Variants in WDFY4 observed in about 807,000 individuals in gnomAD.
WDFY4 encodes the protein WD repeat- and FYVE domain-containing protein 4.
Under a neutral mutation model 351.9 loss-of-function variants are expected in WDFY4, and 169 were observed. The ratio of observed to expected loss-of-function variants is 0.48; its 90% CI spans 0.42 to 0.55. The LOEUF is 0.55. Among genes scored for constraint, WDFY4 ranks in the 20% least tolerant of loss-of-function variants. The probability of loss-of-function intolerance (pLI) is 0.00; values close to 1 mark genes in which losing one functional copy is unlikely to be tolerated. For missense variants in WDFY4, 3,803 were observed against 3,935.6 expected (o/e 0.97, Z 0.90); for synonymous variants, 1,622 against 1,574.6 (o/e 1.03, Z -0.71).
chr10:48,966,252 A>G (rs914183463), intron 54 of WDFY4, among the ~76,000 whole-genome samples: 5 of 152,174 alleles, frequency 3.3e-5, no homozygotes, highest in Admixed American at 1.3e-4. Context: ...CAATGAGGCC[A>G]GTCTTCTCCC....
intron 7 of WDFY4, among the ~76,000 whole-genome samples, chr10:48,727,905 G>A (rs537633112): frequency 3.9e-5 from 6 of 152,204 alleles, no homozygotes; most frequent in Non-Finnish European, 7.4e-5. Context: ...GATTTTCCCC[G>A]GTCAGAACCC....
rs780393508 is a variant in WDFY4, at chr10:48,978,289, C to A, written c.9292-20C>A. On this transcript the variant is annotated intron_variant, in intron 59 of 61. Transcript: ENST00000325239. ...ACAGGATCGTCTTCCCCGCCGATGACATTTGCTCTTTTGGGGCAGGTTTGG... is the reference window on the plus strand; with the variant it reads ...ACAGGATCGTCTTCCCCGCCGATGAAATTTGCTCTTTTGGGGCAGGTTTGG... The A allele has an allele frequency of 6.5e-7, 1 of 1,549,916 alleles. No homozygotes were observed. The highest frequency in any genetic ancestry group is 1.4e-5 in the African/African-American group (1 of 73,130).
At chr10:48,728,369 C>T (rs1047538848) in intron 7 of WDFY4, among the ~76,000 whole-genome samples, 1 of 152,200 alleles carries the variant, frequency 6.6e-6, no homozygotes, top group African/African-American at 2.4e-5. Context: ...CCAGGGATTA[C>T]AGACAGCAAG....
intron 2 of WDFY4, among the ~76,000 whole-genome samples, chr10:48,719,351 C>T (rs1447214658): frequency 6.6e-6 from 1 of 152,106 alleles, no homozygotes; most frequent in Non-Finnish European, 1.5e-5. Context: ...GATATTTTTT[C>T]GCTTCTGAAG....
intron 39 of WDFY4, among the ~76,000 whole-genome samples, chr10:48,853,378 T>C (rs1385283009): frequency 6.6e-6 from 1 of 152,250 alleles, no homozygotes; most frequent in Non-Finnish European, 1.5e-5. Flanking sequence ...TAACTTTTCT[T>C]AGTTTGTCTA....
Position 48,957,367 on chromosome 10 carries a change from G to A in WDFY4, c.8131+85G>A, listed in dbSNP as rs1841644775. The A allele has an allele frequency of 4.1e-6, 6 of 1,477,188 alleles. No homozygotes were observed. The Middle Eastern group carries it at 5.3e-4, about 130-fold the overall frequency. The allele number at this position is 1,477,188 out of a possible 1,614,324, so 91.5% of individuals were successfully genotyped here. ...CCCTGGGTGATGACCAACATCATCT[G>A]GACCTTTGCTAGGCCCTCCCCAGGA... On this transcript the variant is annotated intron_variant, in intron 52 of 61. Coordinates refer to ENST00000325239, the MANE Select transcript of WDFY4 (RefSeq NM_001394531.1).
chr10:48,963,266 G>A (rs1351771735), intron 53 of WDFY4, among the ~76,000 whole-genome samples: 2 of 152,244 alleles, frequency 1.3e-5, no homozygotes, highest in Non-Finnish European at 2.9e-5. Flanking sequence ...AGCTCCCTGT[G>A]TGTCAGCCGT....
intron 51 of WDFY4, among the ~76,000 whole-genome samples, chr10:48,953,333 T>TCTCTCTCTCACACACACACA (rs771339557): frequency 7.8e-5 from 10 of 128,232 alleles, no homozygotes; most frequent in South Asian, 2.8e-4. Context: ...TCTCTCTCTC[T>TCTCTCTCTCACACACACACA]CACACACACA....
intron 39 of WDFY4, among the ~76,000 whole-genome samples, chr10:48,864,252 A>T (rs1255151593): frequency 3.3e-5 from 5 of 152,120 alleles, no homozygotes; most frequent in Non-Finnish European, 2.9e-5. Flanking sequence ...TTTTAAGTTA[A>T]TTTTTGTATG....
intron 7 of WDFY4, among the ~76,000 whole-genome samples, chr10:48,728,251 T>A (rs2064334529): frequency 6.6e-6 from 1 of 152,224 alleles, no homozygotes; most frequent in South Asian, 2.1e-4. Context: ...ACTACCTCTT[T>A]CTCAAATCCT....
At chr10:48,734,765 A>T (rs1276700906) in intron 10 of WDFY4, among the ~76,000 whole-genome samples, 4 of 150,262 alleles carry the variant, frequency 2.7e-5, no homozygotes, top group African/African-American at 9.8e-5. Context: ...GTCAAGGTGG[A>T]GCTCAGGAAT....
Position 48,796,467 on chromosome 10 carries a change from C to A in WDFY4, c.4410+17C>A, listed in dbSNP as rs1172055461. 2 of 1,547,710 alleles carry A rather than the reference C, an allele frequency of 1.3e-6. No individual in the cohort carries two copies. Among genetic ancestry groups the A allele is most frequent in the Admixed American group, 3.9e-5 (2 of 50,932 alleles). ...AATTTCGAGGTAAATCAGAGATTGG[C>A]CCTTAGTCCTTCAGGAGTGTGTGTG... is the stretch of plus-strand genomic sequence containing the variant. On this transcript the variant is annotated intron_variant, in intron 24 of 61. Transcript: ENST00000325239.
chr10:48,788,441 G>A, intron 20 of WDFY4, 89 bp from the exon 21 acceptor site: 1 of 1,414,008 alleles, frequency 7.1e-7, no homozygotes, highest in Non-Finnish European at 9.5e-7. Context: ...TGATTACTTT[G>A]CTGTGTGACA....
intron 47 of WDFY4, among the ~76,000 whole-genome samples, chr10:48,922,266 C>A (rs933313915): frequency 2.6e-5 from 4 of 152,190 alleles, no homozygotes; most frequent in Non-Finnish European, 5.9e-5. Context: ...CCACCCAGAC[C>A]TTGAATCATC....
At chr10:48,963,776 C>G in intron 53 of WDFY4, 66 bp from the exon 54 acceptor site, 1 of 1,471,742 alleles carries the variant, frequency 6.8e-7, no homozygotes, top group Non-Finnish European at 9.3e-7. Flanking sequence ...CCCTTCCAAT[C>G]TGTGCAGCGA....
Position 48,726,026 on chromosome 10 carries a change from C to A in WDFY4, c.737C>A (p.Ala246Glu), listed in dbSNP as rs2064255879. 2 of 1,551,456 alleles carry A rather than the reference C, an allele frequency of 1.3e-6. No individual in the cohort carries two copies. Among genetic ancestry groups the A allele is most frequent in the East Asian group, 2.4e-5 (1 of 40,932 alleles). ...GAACCCACCTTCTGCGTGCTAAGGGCAATCTCCAAGGCCCAGAACCTCAGC... is the reference window on the plus strand; with the variant it reads ...GAACCCACCTTCTGCGTGCTAAGGGAAATCTCCAAGGCCCAGAACCTCAGC... ...WKEPTFCVLR[A>E]ISKAQNLSII... The change falls in exon 6 of 62, where the codon GCA (alanine) becomes GAA (glutamate). Residue 246 changes from alanine (A) to glutamate (E), a missense_variant. By Grantham distance (107) the Ala-to-Glu change is moderately radical. Around this residue, in one of 3 missense-constraint regions of WDFY4, gnomAD observed 488 missense variants for 456.8 expected, o/e 1.07. Coordinates refer to ENST00000325239, the MANE Select transcript of WDFY4 (RefSeq NM_001394531.1).
intron 44 of WDFY4, among the ~76,000 whole-genome samples, chr10:48,894,835 A>G (rs1412721747): frequency 1.3e-5 from 2 of 152,216 alleles, no homozygotes; most frequent in African/African-American, 4.8e-5. Flanking sequence ...GACCTAAGCC[A>G]AAGGTAGGAA....
chr10:48,722,553 T>C (rs1257868059), intron 4 of WDFY4, among the ~76,000 whole-genome samples: 1 of 152,240 alleles, frequency 6.6e-6, no homozygotes, highest in African/African-American at 2.4e-5. Flanking sequence ...CGTCCTTCTC[T>C]TTCTCTGACT....
At chr10:48,904,558 T>A (rs898033107) in intron 47 of WDFY4, among the ~76,000 whole-genome samples, 5 of 152,140 alleles carry the variant, frequency 3.3e-5, no homozygotes, top group Non-Finnish European at 7.4e-5. Flanking sequence ...TGGCTCTCCC[T>A]CTCTCAGGGA....
Sources: allele counts gnomAD v4.1 joint callset (sites outside exome capture counted in the v4.1 genomes callset), GRCh38; gene constraint gnomAD v4.1.1; regional missense constraint gnomAD v4.1.1; transcripts MANE v1.5; gene names NCBI Gene and HGNC (gene_info 2026-07-23, HGNC 2026-07-21).